Variants in PPP1R13B observed in about 807,000 individuals in gnomAD.
PPP1R13B encodes the protein apoptosis-stimulating of p53 protein 1.
In PPP1R13B, 44 loss-of-function variants were observed where a neutral mutation model predicts 119.8. That is an observed-to-expected ratio of 0.37 (90% CI 0.29 to 0.47). The LOEUF is 0.47. PPP1R13B is among the 20% of genes least tolerant of loss of function. The pLI is 0.99. For missense variants in PPP1R13B, 1,227 were observed against 1,413.5 expected (o/e 0.87, Z 2.12); for synonymous variants, 542 against 561.5 (o/e 0.97, Z 0.49).
Position 103,808,985 on chromosome 14 carries a change from C to T in PPP1R13B, c.10-11467G>A, listed in dbSNP as rs917830275. Among the ~76,000 whole-genome samples the T allele has an allele frequency of 4.6e-5, 7 of 152,176 alleles. No individual in the cohort carries two copies. The South Asian group carries it at 1.0e-3, about 23-fold the overall frequency. ...CTAGGCTCAAGTGATCCTCCCTCGC[C>T]TCAACTTTCAAGTAGCTGAGACTGT... On this transcript the variant is annotated intron_variant, in intron 1 of 16. Coordinates refer to ENST00000202556, the MANE Select transcript of PPP1R13B (RefSeq NM_015316.3).
chr14:103,827,322 C>T (rs1391969422), intron 1 of PPP1R13B, among the ~76,000 whole-genome samples: 4 of 151,920 alleles, frequency 2.6e-5, no homozygotes, highest in African/African-American at 7.2e-5. Context: ...AGCGACAGAG[C>T]GAGACTCCAA....
Position 103,742,853 on chromosome 14 carries a change from CTT to C in PPP1R13B, c.1151-32_1151-31del. On this transcript the variant is annotated intron_variant, in intron 9 of 16. Transcript: ENST00000202556. The surrounding 1 kb of genome is among the most constrained non-coding windows in gnomAD (Gnocchi z 4.9). ...AAAAGAACACAGAACTTACGTAAAA[CTT>C]TTCTCAATGTAGTTGAACCAACCTA... is the stretch of plus-strand genomic sequence containing the variant. The C allele has an allele frequency of 1.2e-6, 2 of 1,611,782 alleles. No homozygotes were observed. Among genetic ancestry groups the C allele is most frequent in the Non-Finnish European group, 1.7e-6 (2 of 1,178,628 alleles).
In PPP1R13B at chr14:103,740,518, G is replaced by C. The variant is rs764234340; in HGVS notation, c.1898C>G (p.Thr633Arg). The C allele has an allele frequency of 2.5e-6, 4 of 1,595,764 alleles. No homozygotes were observed. Among genetic ancestry groups the C allele is most frequent in the Non-Finnish European group, 3.4e-6 (4 of 1,168,998 alleles). ...PLPFLHGSLS[T>R]GTPQPQPPSE... ...AGGTGGCTGAGGCTGTGGTGTGCCC[G>C]TGGACAGTGACCCGTGAAGAAACGG... The change falls in exon 12 of 17, where the codon ACG becomes AGG. Residue 633 changes from threonine to arginine, a missense_variant. Physicochemically the swap from Thr to Arg is moderately conservative, Grantham distance 71. Transcript: ENST00000202556. This position sits in a 1 kb window ranked among gnomAD's most constrained non-coding sequence, Gnocchi z 4.6.
intron 8 of PPP1R13B, chr14:103,747,185 A>G (rs539416841): frequency 1.3e-5 from 2 of 152,350 alleles, no homozygotes; most frequent in East Asian, 3.9e-4. Context: ...ATTCTAGAGA[A>G]CTACTGACGT....
intron 5 of PPP1R13B, among the ~76,000 whole-genome samples, chr14:103,756,995 C>T (rs1000757732): frequency 6.6e-6 from 1 of 151,928 alleles, no homozygotes; most frequent in Non-Finnish European, 1.5e-5. Context: ...ATCTCCTGAC[C>T]TTGTGAGCCG....
chr14:103,769,260 AT>A (rs57151300), intron 4 of PPP1R13B, among the ~76,000 whole-genome samples: 3,561 of 147,438 alleles, frequency 0.024, 130 homozygotes, highest in African/African-American at 0.082. Context: ...TAATATTTGT[AT>A]TTTTTTTTTA....
At chr14:103,782,557 T>C (rs1205645567) in intron 3 of PPP1R13B, among the ~76,000 whole-genome samples, 1 of 152,230 alleles carries the variant, frequency 6.6e-6, no homozygotes, top group Non-Finnish European at 1.5e-5. Context: ...CCAAATTTCC[T>C]TCTATAGAAG....
Position 103,736,313 on chromosome 14 carries a change from C to A in PPP1R13B, c.3032-111G>T, listed in dbSNP as rs1187756726. 5.1e-6 allele frequency: 6 copies of A among 1,173,206 alleles called. No homozygotes were observed. In the East Asian group the frequency reaches 1.2e-4, roughly 23 times the overall value. 72.7% of individuals were successfully genotyped at this position (1,173,206 alleles called of 1,614,324 possible). A position where few individuals can be genotyped will look rare whatever the true frequency, so the allele number is the denominator to read the frequency against. On this transcript the variant is annotated intron_variant, in intron 15 of 16. Transcript: ENST00000202556. Reference sequence around the variant, plus strand: ...TGCTGCCGAGGCTGCTCTCAGCAGGCCCCACAGAGGCCAGCGAGGGAGATG... The same window carrying A: ...TGCTGCCGAGGCTGCTCTCAGCAGGACCCACAGAGGCCAGCGAGGGAGATG...
intron 3 of PPP1R13B, among the ~76,000 whole-genome samples, chr14:103,783,037 A>G (rs1363649178): frequency 6.6e-6 from 1 of 151,490 alleles, no homozygotes; most frequent in African/African-American, 2.4e-5. Context: ...AACTCTTGAC[A>G]TCAGGTAATC....
chr14:103,843,235 A>G (rs2086949735), intron 1 of PPP1R13B, among the ~76,000 whole-genome samples: 1 of 152,026 alleles, frequency 6.6e-6, no homozygotes, highest in South Asian at 2.1e-4. Context: ...TTAGCCAGGC[A>G]TGGTGGTGTG....
intron 1 of PPP1R13B, chr14:103,847,085 C>T (rs939510313): frequency 1.0e-6 from 1 of 993,686 alleles, no homozygotes; most frequent in African/African-American, 1.8e-5. Flanking sequence ...CAGGAAGGGC[C>T]CGCAGGCGGC....
chr14:103,741,726 T>C (rs1395589788), intron 11 of PPP1R13B, 64 bp downstream of exon 11: 3 of 1,514,112 alleles, frequency 2.0e-6, no homozygotes, highest in East Asian at 4.5e-5. Flanking sequence ...AATACATTAG[T>C]ATTTTCTTAA....
intron 8 of PPP1R13B, 104 bp from the exon 9 acceptor site, chr14:103,746,657 G>T: frequency 1.8e-6 from 2 of 1,100,848 alleles, no homozygotes; most frequent in Non-Finnish European, 2.5e-6. Context: ...CTCACTCAGT[G>T]GTTGGTTTTT....
At chr14:103,765,986 T>TTTA (rs56171368) in intron 4 of PPP1R13B, among the ~76,000 whole-genome samples, 33,344 of 138,882 alleles carry the variant, frequency 0.24, 4,135 homozygotes, top group Middle Eastern at 0.33. Flanking sequence ...AAATTTTTAT[T>TTTA]TTATTATTAT....
chr14:103,739,017 G>A lies in PPP1R13B; in HGVS notation c.2599C>T (p.Arg867Trp), dbSNP rs746156294. The change falls in exon 13 of 17, where the codon CGG becomes TGG. Residue 867 changes from arginine to tryptophan, a missense_variant. Coordinates refer to ENST00000202556, the MANE Select transcript of PPP1R13B (RefSeq NM_015316.3). ...SHPPATSTNK[R>W]TNLKKPNSER... is the part of the protein sequence containing the mutation. ...GAGTTGGGCTTCTTCAAGTTGGTCC[G>A]CTTGTTCTGTTGGGAAGGAAGCACG... 14 of 1,612,978 alleles carry A rather than the reference G, an allele frequency of 8.7e-6. No individual in the cohort carries two copies. Among genetic ancestry groups the A allele is most frequent in the Admixed American group, 6.7e-5 (4 of 59,890 alleles).
intron 9 of PPP1R13B, 152 bp downstream of exon 9, chr14:103,746,221 G>A: frequency 1.3e-6 from 1 of 750,106 alleles, no homozygotes; most frequent in Non-Finnish European, 2.1e-6. Context: ...GGGGAACACA[G>A]CTCTCCAAGC....
intron 4 of PPP1R13B, among the ~76,000 whole-genome samples, chr14:103,773,400 C>G (rs1490634525): frequency 1.3e-5 from 2 of 152,170 alleles, no homozygotes; most frequent in Non-Finnish European, 2.9e-5. Flanking sequence ...GTAAATTCAA[C>G]AAAGCCCAAT....
At chr14:103,801,556 C>T (rs954231678) in intron 1 of PPP1R13B, among the ~76,000 whole-genome samples, 3 of 152,172 alleles carry the variant, frequency 2.0e-5, no homozygotes, top group Admixed American at 1.3e-4. Flanking sequence ...CATCCCTTTA[C>T]CGCCTCCGCT....
intron 3 of PPP1R13B, among the ~76,000 whole-genome samples, 180 bp downstream of exon 3, chr14:103,784,615 A>AAAAAAT (rs2085412281): frequency 7.3e-6 from 1 of 137,664 alleles, no homozygotes; most frequent in Non-Finnish European, 1.6e-5. Flanking sequence ...AAAAAAAAAA[A>AAAAAAT]GTGCCGTAAT....
Sources: allele counts gnomAD v4.1 joint callset (sites outside exome capture counted in the v4.1 genomes callset), GRCh38; gene constraint gnomAD v4.1.1; non-coding constraint Gnocchi (gnomAD v3.1); transcripts MANE v1.5; gene names NCBI Gene and HGNC (gene_info 2026-07-23, HGNC 2026-07-21).